CLASP2: variants seen among roughly 807,000 people sequenced by gnomAD.
CLASP2 encodes cytoplasmic linker associated protein 2.
CLASP2 carries 47 observed loss-of-function variants against 194.4 expected under a neutral mutation model. That is an observed-to-expected ratio of 0.24 (90% CI 0.19 to 0.31). The LOEUF (loss-of-function observed/expected upper bound fraction) is 0.31, where lower values mean the gene tolerates loss of function less well. CLASP2 is among the 10% of genes least tolerant of loss of function. The pLI is 1.00. For missense variants in CLASP2, 1,445 were observed against 1,823.6 expected, an observed-to-expected ratio of 0.79 and a Z score of 3.78; for synonymous variants, 619 against 633.5, an observed-to-expected ratio of 0.98 and a Z score of 0.34.
intron 34 of CLASP2, among the ~76,000 whole-genome samples, chr3:33,520,502 G>C (rs1031476165): frequency 1.3e-5 from 2 of 152,168 alleles, no homozygotes; most frequent in East Asian, 3.9e-4. Flanking sequence ...ACATAGAGTG[G>C]TAATCAGGTG....
Position 33,542,622 on chromosome 3 carries a change from TATATATGTAATTCATTATATATGAC to T in CLASP2, c.3404+786_3404+810del, listed in dbSNP as rs534188948. 5.9e-3 allele frequency among the ~76,000 whole-genome samples: 892 copies of T among 150,422 alleles called. 2 individuals carry two copies. The highest frequency in any genetic ancestry group is 0.01 in the Non-Finnish European group (684 of 67,610). Reference sequence around the variant, plus strand: ...GTCATATTTATGATATATGACATGTTATATATGTAATTCATTATATATGACATATATGTAATTCATTATATATGAT... The same window carrying T: ...GTCATATTTATGATATATGACATGTTATATATGTAATTCATTATATATGAT... On this transcript the variant is annotated intron_variant, in intron 32 of 38. Coordinates refer to ENST00000682230, the MANE Select transcript of CLASP2 (RefSeq NM_001365631.1).
At chr3:33,511,114 C>G (rs1559793773) in intron 36 of CLASP2, among the ~76,000 whole-genome samples, 1 of 150,700 alleles carries the variant, frequency 6.6e-6, no homozygotes, top group Non-Finnish European at 1.5e-5. Flanking sequence ...GTCACTATAG[C>G]CTCAAACTCC....
intron 6 of CLASP2, among the ~76,000 whole-genome samples, chr3:33,672,844 G>A (rs1268389942): frequency 1.3e-5 from 2 of 152,298 alleles, no homozygotes; most frequent in East Asian, 3.9e-4. Flanking sequence ...GGGTATCAGT[G>A]ATGGAAGATG....
chr3:33,700,763 T>C (rs1048215433), intron 1 of CLASP2, among the ~76,000 whole-genome samples: 1 of 152,152 alleles, frequency 6.6e-6, no homozygotes, highest in Non-Finnish European at 1.5e-5. Flanking sequence ...GGCAGGAGAA[T>C]CATTTGAACC....
chr3:33,580,251 GA>G (rs2065751358), intron 23 of CLASP2, among the ~76,000 whole-genome samples: 1 of 152,140 alleles, frequency 6.6e-6, no homozygotes, highest in African/African-American at 2.4e-5. Context: ...ATGGCCCAGA[GA>G]ATGAGAAATT....
chr3:33,512,486 A>G (rs1365932660), intron 36 of CLASP2, among the ~76,000 whole-genome samples: 1 of 34,506 alleles, frequency 2.9e-5, no homozygotes, highest in Non-Finnish European at 5.3e-5. Flanking sequence ...GCAGCGCACC[A>G]GCATGGCACA....
At chr3:33,573,401 T>G in intron 24 of CLASP2, 47 bp from the exon 25 acceptor site, 1 of 1,585,328 alleles carries the variant, frequency 6.3e-7, no homozygotes, top group Non-Finnish European at 8.6e-7. Context: ...AAGAATATAT[T>G]GGTATTTCAT....
chr3:33,681,418 C>A (rs1408362589), intron 6 of CLASP2, among the ~76,000 whole-genome samples: 1 of 129,134 alleles, frequency 7.7e-6, no homozygotes. Context: ...ACACATCATA[C>A]TAGAACACAT....
chr3:33,642,552 C>A (rs890441514), intron 8 of CLASP2, among the ~76,000 whole-genome samples: 1 of 151,818 alleles, frequency 6.6e-6, no homozygotes, highest in Admixed American at 6.6e-5. Flanking sequence ...TAATTCAGAG[C>A]AGATAGTACT....
At chr3:33,595,018 T>C (rs1274972807) in intron 19 of CLASP2, 50 bp from the exon 20 acceptor site, 19 of 1,213,068 alleles carry the variant, frequency 1.6e-5, no homozygotes, top group Admixed American at 2.8e-5. Flanking sequence ...CCAATGTTGA[T>C]ATTAAGACCT....
intron 38 of CLASP2, among the ~76,000 whole-genome samples, chr3:33,499,240 G>T (rs182542295): frequency 6.6e-6 from 1 of 152,204 alleles, no homozygotes; most frequent in Non-Finnish European, 1.5e-5. Context: ...TGTGAAGAAG[G>T]ACATGTTTGC....
intron 34 of CLASP2, among the ~76,000 whole-genome samples, chr3:33,529,868 C>T (rs1312930307): frequency 6.6e-6 from 1 of 151,192 alleles, no homozygotes; most frequent in African/African-American, 2.4e-5. Flanking sequence ...GTCCCAGCTA[C>T]TCGGGAGGCT....
chr3:33,548,759 ATTTCTTTTTTT>A (rs2059548127), intron 30 of CLASP2, among the ~76,000 whole-genome samples: 1 of 111,512 alleles, frequency 9.0e-6, no homozygotes, highest in Non-Finnish European at 1.9e-5. Flanking sequence ...CTACGGTTTC[ATTTCTTTTTTT>A]TTTTTTTTTT....
intron 29 of CLASP2, chr3:33,554,552 ATAAGTT>A (rs2060595271): frequency 6.6e-6 from 1 of 152,256 alleles, no homozygotes. Context: ...GACAGGAGGA[ATAAGTT>A]TAAGAGATTT....
chr3:33,537,601 A>G (rs2057596042), intron 33 of CLASP2, among the ~76,000 whole-genome samples: 1 of 152,218 alleles, frequency 6.6e-6, no homozygotes, highest in Non-Finnish European at 1.5e-5. Context: ...CAAATATGTC[A>G]ATAATATTAA....
intron 37 of CLASP2, among the ~76,000 whole-genome samples, chr3:33,507,874 C>A (rs929277721): frequency 2.0e-5 from 3 of 152,010 alleles, no homozygotes; most frequent in Non-Finnish European, 2.9e-5. Flanking sequence ...CCATTATATA[C>A]CCTGCCGCAA....
chr3:33,641,672 A>C (rs992936869), intron 8 of CLASP2, among the ~76,000 whole-genome samples: 1 of 151,996 alleles, frequency 6.6e-6, no homozygotes, highest in African/African-American at 2.4e-5. Context: ...CCTAATCTGG[A>C]TATATATCTC....
In CLASP2 at chr3:33,596,715, C is replaced by A; in HGVS notation, c.1944G>T (p.Leu648=). ...ATTAGGAAAGGAAGTTCTTACCATC[C>A]AGCTTGTCAGAAGTATCCTCTTTGA... is the stretch of plus-strand genomic sequence containing the variant. ...YASLEDTSDK[L]DGTASEDGRV... is the part of the protein sequence containing the mutation. Residue 648 remains leucine, a synonymous_variant, in exon 19 of 39, where the codon CTG becomes CTT. Coordinates refer to ENST00000682230, the MANE Select transcript of CLASP2 (RefSeq NM_001365631.1). 2 of 1,567,830 alleles carry A rather than the reference C, an allele frequency of 1.3e-6. No individual in the cohort carries two copies. Among genetic ancestry groups the A allele is most frequent in the Non-Finnish European group, 1.7e-6 (2 of 1,154,412 alleles).
At chr3:33,714,364 G>T (rs1301732694) in intron 1 of CLASP2, among the ~76,000 whole-genome samples, 1 of 151,938 alleles carries the variant, frequency 6.6e-6, no homozygotes, top group South Asian at 2.1e-4. Context: ...ATTGAACTTG[G>T]GACCCCAACT....
Sources: allele counts gnomAD v4.1 joint callset (sites outside exome capture counted in the v4.1 genomes callset), GRCh38; gene constraint gnomAD v4.1.1; transcripts MANE v1.5; gene names NCBI Gene and HGNC (gene_info 2026-07-23, HGNC 2026-07-21).